Variants in SLCO5A1 observed in about 807,000 individuals in gnomAD.
The protein encoded by SLCO5A1 is solute carrier organic anion transporter family member 5A1, also known as organic anion transporter polypeptide-related protein 4.
In SLCO5A1, 39 loss-of-function variants were observed where a neutral mutation model predicts 65.1. The ratio of observed to expected loss-of-function variants is 0.60; its 90% confidence interval spans 0.46 to 0.78. The LOEUF is 0.78. Ranked by LOEUF, SLCO5A1 falls within the 30% of genes least tolerant of loss-of-function variation. The pLI, the probability that SLCO5A1 is intolerant of heterozygous loss-of-function variation, is 0.00. For missense variants in SLCO5A1, 1,029 were observed against 1,069.4 expected, an observed-to-expected ratio of 0.96 and a Z score of 0.53; for synonymous variants, 438 against 415.7, an observed-to-expected ratio of 1.05 and a Z score of -0.65.
At chr8:69,708,947 C>G (rs781384292) in intron 5 of SLCO5A1, among the ~76,000 whole-genome samples, 1 of 152,046 alleles carries the variant, frequency 6.6e-6, no homozygotes, top group African/African-American at 2.4e-5. Flanking sequence ...GAGAGAGTTT[C>G]AAGGAGAAAA....
intron 5 of SLCO5A1, 37 bp downstream of exon 5, chr8:69,738,003 A>G (rs759469741): frequency 5.6e-6 from 9 of 1,594,990 alleles, no homozygotes; most frequent in Non-Finnish European, 7.7e-6. Context: ...GGTCAAAATG[A>G]TCATGTTTTC....
intron 2 of SLCO5A1, among the ~76,000 whole-genome samples, chr8:69,766,617 A>G (rs563812402): frequency 6.6e-6 from 1 of 152,264 alleles, no homozygotes; most frequent in African/African-American, 2.4e-5. Flanking sequence ...AGTTACTCCA[A>G]CAGTTCCTTC....
chr8:69,831,639 T>C (rs1269430341), intron 2 of SLCO5A1, 128 bp downstream of exon 2: 1 of 1,064,314 alleles, frequency 9.4e-7, no homozygotes, highest in African/African-American at 1.6e-5. Flanking sequence ...GGCTAAAACG[T>C]AAAATAAAGT....
chr8:69,675,899 G>A (rs1813527411), intron 9 of SLCO5A1, among the ~76,000 whole-genome samples: 1 of 152,174 alleles, frequency 6.6e-6, no homozygotes, highest in Non-Finnish European at 1.5e-5. Context: ...TGACAAAGAC[G>A]TCAATTTAAA....
intron 6 of SLCO5A1, among the ~76,000 whole-genome samples, chr8:69,689,833 G>A (rs971798275): frequency 6.6e-6 from 1 of 151,868 alleles, no homozygotes; most frequent in African/African-American, 2.4e-5. Context: ...CTCTTTTTTG[G>A]TTCTATATGA....
chr8:69,765,146 A>T (rs1020286648), intron 2 of SLCO5A1, among the ~76,000 whole-genome samples: 24 of 152,108 alleles, frequency 1.6e-4, no homozygotes, highest in Admixed American at 1.5e-3. Flanking sequence ...ATATATATGT[A>T]TGTATACGTG....
intron 2 of SLCO5A1, among the ~76,000 whole-genome samples, chr8:69,818,606 T>C (rs550292611): frequency 6.6e-6 from 1 of 152,318 alleles, no homozygotes; most frequent in East Asian, 1.9e-4. Flanking sequence ...TATTTGTGGG[T>C]GGGCTGAATA....
chr8:69,674,014 A>T (rs1036617349), intron 9 of SLCO5A1, among the ~76,000 whole-genome samples: 2 of 152,170 alleles, frequency 1.3e-5, no homozygotes, highest in African/African-American at 4.8e-5. Context: ...ATGAGAAAAA[A>T]AGTCTACCTA....
chr8:69,718,318 G>T (rs1815652286), intron 5 of SLCO5A1, among the ~76,000 whole-genome samples: 1 of 152,138 alleles, frequency 6.6e-6, no homozygotes, highest in African/African-American at 2.4e-5. Context: ...CTCCATAGAA[G>T]ATCACATAAT....
At chr8:69,705,822 G>C (rs766598237) in intron 5 of SLCO5A1, among the ~76,000 whole-genome samples, 3 of 152,294 alleles carry the variant, frequency 2.0e-5, no homozygotes, top group Middle Eastern at 3.4e-3. Context: ...TAACGTACTG[G>C]GAACTCTCAA....
chr8:69,759,292 TTAAA>T (rs1259834106), intron 3 of SLCO5A1, among the ~76,000 whole-genome samples: 4 of 152,198 alleles, frequency 2.6e-5, no homozygotes, highest in African/African-American at 7.2e-5. Flanking sequence ...AAATTCATGT[TTAAA>T]TAGACCCTCA....
At chr8:69,721,301 A>G (rs1815805045) in intron 5 of SLCO5A1, among the ~76,000 whole-genome samples, 1 of 152,230 alleles carries the variant, frequency 6.6e-6, no homozygotes, top group African/African-American at 2.4e-5. Context: ...GTGACAGAGA[A>G]ATAATGATCT....
At chr8:69,728,089 C>T (rs1037748102) in intron 5 of SLCO5A1, among the ~76,000 whole-genome samples, 6 of 152,056 alleles carry the variant, frequency 3.9e-5, no homozygotes, top group African/African-American at 9.7e-5. Context: ...AATAGAGTAC[C>T]GTGCAGCTAT....
At chr8:69,698,282 G>A (rs1814584382) in intron 6 of SLCO5A1, among the ~76,000 whole-genome samples, 1 of 152,118 alleles carries the variant, frequency 6.6e-6, no homozygotes, top group South Asian at 2.1e-4. Flanking sequence ...TTGATTCCAT[G>A]TATTTGCTAT....
In SLCO5A1 at chr8:69,755,533, T is replaced by C. The variant is rs1817504434; in HGVS notation, c.1149A>G (p.Lys383=). The C allele has an allele frequency of 2.1e-5, 34 of 1,614,058 alleles. No homozygotes were observed. The highest frequency in any genetic ancestry group is 2.9e-5 in the Non-Finnish European group (34 of 1,179,950). The change falls in exon 4 of 10, where the codon AAA becomes AAG. Residue 383 remains lysine, a synonymous_variant. Transcript: ENST00000260126. The part of the protein sequence containing the change: ...PPRHKKKKKK[K]FSVDAVSDDD... ...CATCACTAACAGCATCAACAGAAAA[T>C]TTTTTCTTTTTCTTTTTCTTGTGTC...
intron 5 of SLCO5A1, among the ~76,000 whole-genome samples, chr8:69,720,332 T>C (rs1298328647): frequency 6.6e-6 from 1 of 152,264 alleles, no homozygotes; most frequent in Admixed American, 6.5e-5. Flanking sequence ...GCTTCTTTAA[T>C]GGCGTGATGG....
chr8:69,718,816 A>C (rs1815687180), intron 5 of SLCO5A1, among the ~76,000 whole-genome samples: 1 of 152,248 alleles, frequency 6.6e-6, no homozygotes, highest in African/African-American at 2.4e-5. Context: ...CGTGGGAAAC[A>C]GACAAACCAA....
At chr8:69,798,087 G>A (rs1040791907) in intron 2 of SLCO5A1, among the ~76,000 whole-genome samples, 34 of 152,192 alleles carry the variant, frequency 2.2e-4, no homozygotes, top group Non-Finnish European at 3.7e-4. Flanking sequence ...CAGACCAGCC[G>A]ACACTTAGGG....
intron 2 of SLCO5A1, among the ~76,000 whole-genome samples, chr8:69,764,706 G>A (rs931602109): frequency 3.3e-5 from 5 of 152,236 alleles, no homozygotes; most frequent in South Asian, 2.1e-4. Context: ...ATTCCCATAC[G>A]CATATGAAGA....
Sources: allele counts gnomAD v4.1 joint callset (sites outside exome capture counted in the v4.1 genomes callset), GRCh38; gene constraint gnomAD v4.1.1; transcripts MANE v1.5; gene names NCBI Gene and HGNC (gene_info 2026-07-23, HGNC 2026-07-21).